Variants in ARHGAP10 observed in about 807,000 individuals in gnomAD.
ARHGAP10 encodes the protein rho GTPase-activating protein 10.
ARHGAP10 carries 87 observed loss-of-function variants against 108.6 expected under a neutral mutation model. The ratio of observed to expected loss-of-function variants is 0.80; its 90% CI spans 0.67 to 0.96. The LOEUF (loss-of-function observed/expected upper bound fraction) is 0.96, where lower values mean the gene tolerates loss of function less well. Among genes scored for constraint, ARHGAP10 ranks in the 40% least tolerant of loss-of-function variants. The probability of loss-of-function intolerance (pLI) is 0.00; values close to 1 mark genes in which losing one functional copy is unlikely to be tolerated. For synonymous variants in ARHGAP10, 347 were observed against 341.1 expected, an observed-to-expected ratio of 1.02 and a Z score of -0.19; for missense variants, 939 against 954.5, an observed-to-expected ratio of 0.98 and a Z score of 0.21.
At chr4:147,983,168 C>A (rs1241017257) in intron 18 of ARHGAP10, among the ~76,000 whole-genome samples, 7 of 149,640 alleles carry the variant, frequency 4.7e-5, no homozygotes, top group African/African-American at 1.7e-4. Context: ...AGGCATGAGC[C>A]ATGGTGCCTG....
chr4:147,869,581 T>TG (rs1299813249), intron 7 of ARHGAP10, among the ~76,000 whole-genome samples: 11 of 148,162 alleles, frequency 7.4e-5, no homozygotes, highest in Non-Finnish European at 1.6e-4. Flanking sequence ...GACAGTTTAT[T>TG]GAAAAAAAAA....
At chr4:147,736,938 G>A (rs1236642057) in intron 1 of ARHGAP10, among the ~76,000 whole-genome samples, 3 of 152,102 alleles carry the variant, frequency 2.0e-5, no homozygotes, top group Non-Finnish European at 4.4e-5. Flanking sequence ...CTACTTTTCT[G>A]TATTCTCTCA....
intron 8 of ARHGAP10, 139 bp downstream of exon 8, chr4:147,875,289 T>C (rs1735012686): frequency 5.2e-6 from 5 of 963,548 alleles, no homozygotes; most frequent in Non-Finnish European, 7.2e-6. Context: ...ACCTAATGGG[T>C]GTATATTTCA....
At chr4:147,788,163 A>G (rs985838889) in intron 1 of ARHGAP10, among the ~76,000 whole-genome samples, 3 of 152,070 alleles carry the variant, frequency 2.0e-5, no homozygotes, top group African/African-American at 7.2e-5. Flanking sequence ...GCGTTTCTGA[A>G]GGGCCAGGCA....
intron 12 of ARHGAP10, among the ~76,000 whole-genome samples, chr4:147,912,548 A>AATATAGATAT (rs1159618587): frequency 8.3e-6 from 1 of 120,334 alleles, no homozygotes; most frequent in African/African-American, 3.8e-5. Context: ...CAAACAAACA[A>AATATAGATAT]ATATATATAT....
At chr4:147,938,043 A>G (rs1738022547) in intron 13 of ARHGAP10, among the ~76,000 whole-genome samples, 1 of 152,220 alleles carries the variant, frequency 6.6e-6, no homozygotes, top group African/African-American at 2.4e-5. Context: ...AAAAGGAACG[A>G]GGATCATGTC....
chr4:147,968,335 T>G (rs1409603310), intron 18 of ARHGAP10, among the ~76,000 whole-genome samples: 1 of 152,232 alleles, frequency 6.6e-6, no homozygotes, highest in Non-Finnish European at 1.5e-5. Flanking sequence ...TGTACCTTTA[T>G]TTTTATAAGG....
At chr4:147,837,548 G>T (rs1733217542) in intron 3 of ARHGAP10, among the ~76,000 whole-genome samples, 1 of 151,392 alleles carries the variant, frequency 6.6e-6, no homozygotes, top group Non-Finnish European at 1.5e-5. Flanking sequence ...ACTACAGTTT[G>T]CACCAAGAGC....
At chr4:147,982,634 C>T (rs944835406) in intron 18 of ARHGAP10, among the ~76,000 whole-genome samples, 5 of 142,436 alleles carry the variant, frequency 3.5e-5, no homozygotes, top group African/African-American at 1.4e-4. Flanking sequence ...CTCCTTGGCT[C>T]AAGCAGTCCT....
intron 1 of ARHGAP10, among the ~76,000 whole-genome samples, chr4:147,759,582 C>T (rs1394529944): frequency 2.1e-4 from 2 of 9,310 alleles, no homozygotes; most frequent in East Asian, 0.019. Flanking sequence ...GATACACCGC[C>T]CCCCCCCCCC....
intron 20 of ARHGAP10, among the ~76,000 whole-genome samples, chr4:148,059,544 A>G (rs1022538161): frequency 6.6e-6 from 1 of 152,120 alleles, no homozygotes; most frequent in Non-Finnish European, 1.5e-5. Flanking sequence ...TCTAGCACAT[A>G]ATGAGCTTTT....
At chr4:147,909,876 C>A in intron 12 of ARHGAP10, 99 bp downstream of exon 12, 1 of 1,194,804 alleles carries the variant, frequency 8.4e-7, no homozygotes. Flanking sequence ...TTACTCTCTG[C>A]ACCCTCTATT....
At chr4:148,036,992 C>T (rs1436542520) in intron 19 of ARHGAP10, among the ~76,000 whole-genome samples, 1 of 152,136 alleles carries the variant, frequency 6.6e-6, no homozygotes, top group African/African-American at 2.4e-5. Context: ...GGAAAAAAAA[C>T]AGTCTTAGAT....
intron 1 of ARHGAP10, among the ~76,000 whole-genome samples, chr4:147,788,966 A>G (rs1372787409): frequency 6.6e-6 from 1 of 152,240 alleles, no homozygotes; most frequent in Non-Finnish European, 1.5e-5. Context: ...TGTTCATGCC[A>G]TAAACTTATC....
intron 1 of ARHGAP10, among the ~76,000 whole-genome samples, chr4:147,821,267 G>A (rs573307016): frequency 6.6e-6 from 1 of 152,328 alleles, no homozygotes; most frequent in South Asian, 2.1e-4. Context: ...TTGGCTACAA[G>A]ACTAGCCCAG....
intron 3 of ARHGAP10, 101 bp downstream of exon 3, chr4:147,823,058 TG>T: frequency 8.2e-7 from 1 of 1,215,942 alleles, no homozygotes; most frequent in South Asian, 1.3e-5. Flanking sequence ...CATTTATCCC[TG>T]GGTACAGTAG....
intron 1 of ARHGAP10, among the ~76,000 whole-genome samples, chr4:147,781,260 C>A (rs1293256175): frequency 1.3e-5 from 2 of 152,134 alleles, no homozygotes; most frequent in Non-Finnish European, 2.9e-5. Context: ...AGGAGAATCA[C>A]TTGAACCCGG....
At chr4:148,033,731 A>T (rs1302689555) in intron 19 of ARHGAP10, among the ~76,000 whole-genome samples, 1 of 152,238 alleles carries the variant, frequency 6.6e-6, no homozygotes, top group Non-Finnish European at 1.5e-5. Flanking sequence ...GGAAGGACTG[A>T]GAAACAGAGT....
chr4:147,941,510 G>C (rs1416100503), intron 14 of ARHGAP10, among the ~76,000 whole-genome samples: 1 of 152,186 alleles, frequency 6.6e-6, no homozygotes, highest in Admixed American at 6.5e-5. Flanking sequence ...CCTCAGAGTA[G>C]AGAAGCCCAG....
Sources: allele counts gnomAD v4.1 joint callset (sites outside exome capture counted in the v4.1 genomes callset), GRCh38; gene constraint gnomAD v4.1.1; transcripts MANE v1.5; gene names NCBI Gene and HGNC (gene_info 2026-07-23, HGNC 2026-07-21).